RSPO3: variants seen among roughly 807,000 people sequenced by gnomAD.
The protein encoded by RSPO3 is R-spondin-3.
A neutral mutation model predicts 36.5 loss-of-function variants in RSPO3; 17 were observed. That is an observed-to-expected ratio of 0.47 (90% CI 0.32 to 0.70). The LOEUF (loss-of-function observed/expected upper bound fraction) is 0.70, where lower values mean the gene tolerates loss of function less well. Among genes scored for constraint, RSPO3 ranks in the 30% least tolerant of loss-of-function variants. RSPO3 has a pLI of 0.04. For synonymous variants in RSPO3, 108 were observed against 107.0 expected (o/e 1.01, Z -0.06); for missense variants, 294 against 322.5 (o/e 0.91, Z 0.68).
rs957949239 is a variant in RSPO3, at chr6:127,198,039, G to A, written c.*2032G>A. Among the ~76,000 whole-genome samples, 8 of 152,144 alleles carry A rather than the reference G, an allele frequency of 5.3e-5. No individual in the cohort carries two copies. Among genetic ancestry groups the A allele is most frequent in the Non-Finnish European group, 7.4e-5 (5 of 68,020 alleles). ...CCAAATTATTTTTGCACATCTTTCTGTTTCTCATGTCTTCATTTATTCAAC... is the reference window on the plus strand; with the variant it reads ...CCAAATTATTTTTGCACATCTTTCTATTTCTCATGTCTTCATTTATTCAAC... On this transcript the variant is annotated 3_prime_UTR_variant, in exon 5 of 5. Transcript: ENST00000356698.
In RSPO3 at chr6:127,135,784, G is replaced by A. The variant is rs182300347; in HGVS notation, c.98-12864G>A. Among the ~76,000 whole-genome samples the A allele has an allele frequency of 1.5e-3, 232 of 152,110 alleles. 5 individuals carry two copies. The highest frequency in any genetic ancestry group is 0.012 in the Admixed American group (186 of 15,272). On this transcript the variant is annotated intron_variant, in intron 1 of 4. Transcript: ENST00000356698. ...TGTACAAAAAATACCAAAATTAGCC[G>A]GGCATGATGGCTCAAACCTGTAGTC... is the stretch of plus-strand genomic sequence containing the variant.
At chr6:127,119,352 GC>G in intron 1 of RSPO3, 63 bp downstream of exon 1, 1 of 1,238,964 alleles carries the variant, frequency 8.1e-7, no homozygotes, top group East Asian at 2.3e-5. Context: ...GGGTCGCTTT[GC>G]CTGTCCGGAG....
At chr6:127,127,010 C>T (rs189029789) in intron 1 of RSPO3, among the ~76,000 whole-genome samples, 13 of 152,172 alleles carry the variant, frequency 8.5e-5, no homozygotes, top group African/African-American at 2.6e-4. Context: ...CACACAGTAA[C>T]GCAATGTGCT....
intron 3 of RSPO3, among the ~76,000 whole-genome samples, chr6:127,153,874 A>G (rs1774538979): frequency 6.6e-6 from 1 of 152,128 alleles, no homozygotes; most frequent in African/African-American, 2.4e-5. Context: ...ATGCTGGAAG[A>G]TAATATCCAT....
At chr6:127,136,052 G>C (rs1288563015) in intron 1 of RSPO3, among the ~76,000 whole-genome samples, 2 of 152,114 alleles carry the variant, frequency 1.3e-5, no homozygotes, top group Non-Finnish European at 2.9e-5. Context: ...AGAGAGACCA[G>C]AGAAGTAAGT....
At chr6:127,159,090 C>A (rs1421921738) in intron 4 of RSPO3, among the ~76,000 whole-genome samples, 1 of 152,020 alleles carries the variant, frequency 6.6e-6, no homozygotes, top group East Asian at 1.9e-4. Context: ...CAGTGTATAA[C>A]CATCTCAGAT....
chr6:127,196,073 C>A lies in RSPO3; in HGVS notation c.*66C>A. On this transcript the variant is annotated 3_prime_UTR_variant, in exon 5 of 5. Transcript: ENST00000356698. ...CTCAACCAGATGCCCAGGACAGGTGCTCTAGCCATTAGGACCACAAATGGA... is the reference window on the plus strand; with the variant it reads ...CTCAACCAGATGCCCAGGACAGGTGATCTAGCCATTAGGACCACAAATGGA... 2 of 1,369,492 alleles carry A rather than the reference C, an allele frequency of 1.5e-6. No individual in the cohort carries two copies. The highest frequency in any genetic ancestry group is 2.0e-6 in the Non-Finnish European group (2 of 1,018,844). The allele number at this position is 1,369,492 out of a possible 1,614,324, so 84.8% of individuals were successfully genotyped here. A position where few individuals can be genotyped will look rare whatever the true frequency, so the allele number is the denominator to read the frequency against.
chr6:127,166,312 CA>C (rs1401195748), intron 4 of RSPO3, among the ~76,000 whole-genome samples: 1 of 151,826 alleles, frequency 6.6e-6, no homozygotes, highest in Non-Finnish European at 1.5e-5. Context: ...AATTGTTTCC[CA>C]TTTTTTTGCT....
rs1775528908 is a variant in RSPO3, at chr6:127,197,082, C to T, written c.*1075C>T. 5.4e-6 allele frequency: 1 copy of T among 183,684 alleles called. No homozygotes were observed. Among genetic ancestry groups the T allele is most frequent in the Non-Finnish European group, 1.1e-5 (1 of 87,388 alleles). The allele number at this position is 183,684 out of a possible 1,614,324, so 11.4% of individuals were successfully genotyped here. ...TTATTGTTTGTTTTATTGAGAAATTCTTACTCTTAGAGACTCATGAATTAA... is the reference window on the plus strand; with the variant it reads ...TTATTGTTTGTTTTATTGAGAAATTTTTACTCTTAGAGACTCATGAATTAA... On this transcript the variant is annotated 3_prime_UTR_variant, in exon 5 of 5. Transcript: ENST00000356698.
In RSPO3 at chr6:127,199,319, TTA is replaced by T. The variant is rs1182314592; in HGVS notation, c.*3314_*3315del. On this transcript the variant is annotated 3_prime_UTR_variant, in exon 5 of 5. Transcript: ENST00000356698. ...TATATAAATGAATATCAATTAAAAGTTATGACTAATTCCACAAGTCAAACATA... is the reference window on the plus strand; with the variant it reads ...TATATAAATGAATATCAATTAAAAGTTGACTAATTCCACAAGTCAAACATA... 3.9e-4 allele frequency among the ~76,000 whole-genome samples: 59 copies of T among 152,308 alleles called. No homozygotes were observed. The highest frequency in any genetic ancestry group is 1.3e-3 in the African/African-American group (55 of 41,568).
rs1774343973 is a variant in RSPO3, at chr6:127,144,643, G to GTTTTGTTTTTTTTTTT, written c.98-4001_98-4000insGTTTTTTTTTTTTTTT. Among the ~76,000 whole-genome samples the GTTTTGTTTTTTTTTTT allele has an allele frequency of 2.0e-5, 2 of 99,130 alleles. 1 individual carries two copies. The highest frequency in any genetic ancestry group is 3.9e-5 in the Non-Finnish European group (2 of 51,092). 65.0% of individuals were successfully genotyped at this position (99,130 alleles called of 152,430 possible). ...TGTAATTTTTCAGTAGCTTCCCCTT[G>GTTTTGTTTTTTTTTTT]TTTTTTTTTTTTTCAGACAGAGTCT... is the stretch of plus-strand genomic sequence containing the variant. On this transcript the variant is annotated intron_variant, in intron 1 of 4. Coordinates refer to ENST00000356698, the MANE Select transcript of RSPO3 (RefSeq NM_032784.5).
intron 4 of RSPO3, among the ~76,000 whole-genome samples, chr6:127,171,481 A>G (rs1774933157): frequency 6.6e-6 from 1 of 151,700 alleles, no homozygotes; most frequent in Non-Finnish European, 1.5e-5. Flanking sequence ...GCATTCATTT[A>G]TACTAACTTA....
Position 127,197,553 on chromosome 6 carries a change from G to T in RSPO3, c.*1546G>T. The stretch of plus-strand genomic sequence containing the variant: ...CATGACCCACCTTAACCTTCCTGTT[G>T]TCATGGAAGGATGCACGGCTGCTCT... On this transcript the variant is annotated 3_prime_UTR_variant, in exon 5 of 5. Transcript: ENST00000356698. The T allele has an allele frequency of 6.5e-7, 1 of 1,548,658 alleles. No homozygotes were observed.
intron 3 of RSPO3, 75 bp from the exon 4 acceptor site, chr6:127,155,166 C>T (rs1774567529): frequency 1.4e-6 from 2 of 1,458,800 alleles, no homozygotes; most frequent in South Asian, 1.2e-5. Flanking sequence ...CTGATGGAAG[C>T]AAATCTTTTT....
Position 127,198,195 on chromosome 6 carries a change from T to C in RSPO3, c.*2188T>C, listed in dbSNP as rs910019444. Among the ~76,000 whole-genome samples, 2 of 152,240 alleles carry C rather than the reference T, an allele frequency of 1.3e-5. No individual in the cohort carries two copies. The highest frequency in any genetic ancestry group is 4.8e-5 in the African/African-American group (2 of 41,468). Reference sequence around the variant, plus strand: ...TGTTTGACTCAAACTTATTACCCTATGGTCCTTCTGACAATGGCAGAAGGT... The same window carrying C: ...TGTTTGACTCAAACTTATTACCCTACGGTCCTTCTGACAATGGCAGAAGGT... On this transcript the variant is annotated 3_prime_UTR_variant, in exon 5 of 5. Transcript: ENST00000356698.
chr6:127,172,192 C>A (rs894627109), intron 4 of RSPO3, among the ~76,000 whole-genome samples: 1 of 148,752 alleles, frequency 6.7e-6, no homozygotes, highest in Admixed American at 6.8e-5. Flanking sequence ...GCTTATTAAT[C>A]ATTATAGATA....
intron 1 of RSPO3, 113 bp downstream of exon 1, chr6:127,119,402 C>A (rs1229916495): frequency 2.6e-6 from 2 of 764,980 alleles, no homozygotes; most frequent in Non-Finnish European, 2.2e-6. Flanking sequence ...CCCTGCGCCT[C>A]GCAGAGGAGA....
At chr6:127,133,880 A>T (rs568098916) in intron 1 of RSPO3, among the ~76,000 whole-genome samples, 11 of 152,184 alleles carry the variant, frequency 7.2e-5, no homozygotes, top group African/African-American at 2.7e-4. Context: ...CACACCTGGA[A>T]CTTACCCTTG....
intron 1 of RSPO3, among the ~76,000 whole-genome samples, chr6:127,139,087 C>T (rs1774218127): frequency 6.6e-6 from 1 of 151,916 alleles, no homozygotes; most frequent in Non-Finnish European, 1.5e-5. Flanking sequence ...TGGAGCCATG[C>T]ACATAAGTAT....
Sources: gnomAD v4.1 joint callset for allele counts (sites outside exome capture counted in the v4.1 genomes callset) on GRCh38, gnomAD v4.1.1 for gene constraint, MANE v1.5 for transcripts, NCBI Gene and HGNC (gene_info 2026-07-23, HGNC 2026-07-21) for gene names.